ZNF804B: variants seen among roughly 807,000 people sequenced by gnomAD.
ZNF804B encodes the protein zinc finger protein 804B.
Under a neutral mutation model 101.4 loss-of-function variants are expected in ZNF804B, and 80 were observed. That is an observed-to-expected ratio of 0.79 (90% confidence interval 0.66 to 0.95). The LOEUF is 0.95. ZNF804B is among the 40% of genes least tolerant of loss of function. The pLI, the probability that ZNF804B is intolerant of heterozygous loss-of-function variation, is 0.00. For missense variants in ZNF804B, 1,673 were observed against 1,561.9 expected (o/e 1.07, Z -1.20); for synonymous variants, 622 against 558.8 (o/e 1.11, Z -1.59).
chr7:89,117,255 G>GT (rs1363701740), intron 1 of ZNF804B, among the ~76,000 whole-genome samples: 1 of 152,136 alleles, frequency 6.6e-6, no homozygotes, highest in African/African-American at 2.4e-5. Context: ...AATTTTTGTT[G>GT]TTTTAAGCCA....
chr7:89,194,788 C>T (rs1167851035), intron 1 of ZNF804B, among the ~76,000 whole-genome samples: 7 of 150,740 alleles, frequency 4.6e-5, no homozygotes, highest in South Asian at 2.1e-4. Flanking sequence ...ATTGACTTGG[C>T]GATGCGGGCT....
chr7:89,024,963 G>C (rs1348110740), intron 1 of ZNF804B, among the ~76,000 whole-genome samples: 1 of 151,954 alleles, frequency 6.6e-6, no homozygotes, highest in Non-Finnish European at 1.5e-5. Flanking sequence ...TGAAAGCTTT[G>C]AGCGACTAAT....
chr7:89,250,198 AT>A (rs900269033), intron 2 of ZNF804B, among the ~76,000 whole-genome samples: 1 of 151,788 alleles, frequency 6.6e-6, no homozygotes, highest in Non-Finnish European at 1.5e-5. Context: ...TTAAAAAAAA[AT>A]ATAGGTAAAA....
rs181767829 is a variant in ZNF804B at position 89,330,826 on chromosome 7, G to A, written c.381-2537G>A. ...ACATTGTATTAGAAAAACAATAAGAGCAAAGAAATTTTAAAATATTTAAAA... is the reference window on the plus strand; with the variant it reads ...ACATTGTATTAGAAAAACAATAAGAACAAAGAAATTTTAAAATATTTAAAA... On this transcript the variant is annotated intron_variant, in intron 3 of 3. Transcript: ENST00000333190. Among the ~76,000 whole-genome samples the A allele has an allele frequency of 8.7e-4, 132 of 150,902 alleles. 1 individual carries two copies. The highest frequency in any genetic ancestry group is 1.5e-3 in the Non-Finnish European group (98 of 67,426).
intron 1 of ZNF804B, among the ~76,000 whole-genome samples, chr7:88,809,810 G>A (rs1790754532): frequency 6.6e-6 from 1 of 152,144 alleles, no homozygotes; most frequent in African/African-American, 2.4e-5. Context: ...TGCCCCAAAT[G>A]TTCCCAGTCT....
At chr7:89,131,510 G>T (rs1171671628) in intron 1 of ZNF804B, among the ~76,000 whole-genome samples, 13 of 151,880 alleles carry the variant, frequency 8.6e-5, no homozygotes, top group African/African-American at 3.1e-4. Flanking sequence ...CCCATAACTG[G>T]CTAGCCACAT....
At chr7:89,231,956 G>T (rs1789198739) in intron 2 of ZNF804B, among the ~76,000 whole-genome samples, 1 of 152,020 alleles carries the variant, frequency 6.6e-6, no homozygotes, top group Admixed American at 6.5e-5. Context: ...TTCCAATGTG[G>T]TGTTGAATAA....
chr7:89,156,019 C>CCTTCCTTTCTTTCTTT (rs1491560521), intron 1 of ZNF804B, among the ~76,000 whole-genome samples: 12 of 121,932 alleles, frequency 9.8e-5, no homozygotes, highest in South Asian at 2.8e-4. Context: ...TTCTCTCTTT[C>CCTTCCTTTCTTTCTTT]CTTTCTTTCT....
intron 1 of ZNF804B, among the ~76,000 whole-genome samples, chr7:89,211,630 G>T (rs989982018): frequency 6.6e-6 from 1 of 152,046 alleles, no homozygotes; most frequent in East Asian, 1.9e-4. Flanking sequence ...TTTTTGTCAG[G>T]TTCATTGAAG....
intron 1 of ZNF804B, among the ~76,000 whole-genome samples, chr7:89,187,355 G>A (rs770997878): frequency 1.1e-4 from 17 of 152,112 alleles, no homozygotes; most frequent in Non-Finnish European, 2.5e-4. Context: ...AAATGGGAAA[G>A]TACATCAGTA....
chr7:88,861,363 C>T (rs1223558782), intron 1 of ZNF804B, among the ~76,000 whole-genome samples: 1 of 152,140 alleles, frequency 6.6e-6, no homozygotes, highest in Non-Finnish European at 1.5e-5. Context: ...CAGCAACACA[C>T]AGGAAGGAAA....
intron 1 of ZNF804B, among the ~76,000 whole-genome samples, chr7:88,938,188 A>G (rs529155223): frequency 6.6e-6 from 1 of 152,180 alleles, no homozygotes; most frequent in African/African-American, 2.4e-5. Flanking sequence ...GAGTTTGTCT[A>G]AAGATCTAGG....
intron 1 of ZNF804B, among the ~76,000 whole-genome samples, chr7:88,957,708 T>A (rs1333671261): frequency 6.6e-6 from 1 of 151,306 alleles, no homozygotes; most frequent in African/African-American, 2.4e-5. Context: ...AACTGAAATT[T>A]TCCTTAATAT....
chr7:88,864,564 C>A (rs1423785904), intron 1 of ZNF804B, among the ~76,000 whole-genome samples: 1 of 152,158 alleles, frequency 6.6e-6, no homozygotes, highest in African/African-American at 2.4e-5. Context: ...TCACCAGAGG[C>A]ATGATAGAGA....
intron 1 of ZNF804B, among the ~76,000 whole-genome samples, chr7:89,036,567 A>G (rs562102662): frequency 6.6e-6 from 1 of 152,240 alleles, no homozygotes; most frequent in African/African-American, 2.4e-5. Flanking sequence ...GAAAAAGACA[A>G]ATGATTGTAT....
At chr7:88,884,929 C>T (rs1309570710) in intron 1 of ZNF804B, among the ~76,000 whole-genome samples, 4 of 151,822 alleles carry the variant, frequency 2.6e-5, no homozygotes, top group Non-Finnish European at 5.9e-5. Flanking sequence ...TCAAGGTGCA[C>T]ATATTTCCCT....
At chr7:88,990,770 C>T (rs1013403386) in intron 1 of ZNF804B, among the ~76,000 whole-genome samples, 5 of 152,116 alleles carry the variant, frequency 3.3e-5, no homozygotes, top group African/African-American at 1.2e-4. Flanking sequence ...AGTTTTATCA[C>T]ATACCTTTGT....
intron 1 of ZNF804B, among the ~76,000 whole-genome samples, chr7:89,130,006 T>C (rs1010966343): frequency 6.6e-5 from 10 of 151,984 alleles, no homozygotes; most frequent in African/African-American, 1.9e-4. Context: ...AGACTTCTCC[T>C]TCACCTTAAA....
Position 89,274,400 on chromosome 7 carries a change from A to G in ZNF804B, c.250-52944A>G, listed in dbSNP as rs1194740168. Among the ~76,000 whole-genome samples, 6 of 131,962 alleles carry G rather than the reference A, an allele frequency of 4.5e-5. No individual in the cohort carries two copies. The East Asian group carries it at 1.3e-3, about 29-fold the overall frequency. The allele number at this position is 131,962 out of a possible 152,430, so 86.6% of individuals were successfully genotyped here. ...TGTTCAATTCCCACCTATGAGTGAG[A>G]ATATGCGGTGTTTGGTTTTTTGTTC... On this transcript the variant is annotated intron_variant, in intron 2 of 3. Coordinates refer to ENST00000333190, the MANE Select transcript of ZNF804B (RefSeq NM_181646.5).
Sources: gnomAD v4.1 joint callset for allele counts (sites outside exome capture counted in the v4.1 genomes callset) on GRCh38, gnomAD v4.1.1 for gene constraint, MANE v1.5 for transcripts, NCBI Gene and HGNC (gene_info 2026-07-23, HGNC 2026-07-21) for gene names.